The following METTL15 variants were observed in gnomAD, a reference collection of about 807,000 sequenced individuals.
METTL15 encodes the protein 12S rRNA N(4)-cytidine methyltransferase METTL15.
A neutral mutation model predicts 38.3 loss-of-function variants in METTL15; 34 were observed. The observed-to-expected ratio is 0.89, with a 90% CI of 0.68 to 1.18. METTL15 has a LOEUF of 1.18. Ranked by LOEUF, METTL15 falls within the 50% of genes most tolerant of loss-of-function variation. The probability of loss-of-function intolerance (pLI) is 0.00; values close to 1 mark genes in which losing one functional copy is unlikely to be tolerated. For synonymous variants in METTL15, 162 were observed against 170.9 expected (o/e 0.95, Z 0.41); for missense variants, 438 against 498.4 (o/e 0.88, Z 1.15).
In METTL15 at chr11:28,372,129, A is replaced by G. The variant is rs148952371; in HGVS notation, c.*358+10093A>G. Among the ~76,000 whole-genome samples the G allele has an allele frequency of 6.4e-4, 98 of 152,154 alleles. 1 individual carries two copies. Among genetic ancestry groups the G allele is most frequent in the African/African-American group, 2.2e-3 (93 of 41,554 alleles). ...GTACAATGTTAGTTGTGAATTGGCC[A>G]TATATGGCCTTTATTATTTTGAGGT... On this transcript the variant is annotated intron_variant and NMD_transcript_variant, in intron 5 of 7. Coordinates refer to the METTL15 transcript ENST00000532947.
chr11:28,380,988 G>T (rs573407555), intron 5 of METTL15, among the ~76,000 whole-genome samples: 1 of 151,894 alleles, frequency 6.6e-6, no homozygotes, highest in African/African-American at 2.4e-5. Context: ...TGTCCCTTTT[G>T]TCTTTGATCT....
chr11:28,477,874 T>C (rs1318925786), intron 6 of METTL15, among the ~76,000 whole-genome samples: 2 of 152,194 alleles, frequency 1.3e-5, no homozygotes, highest in East Asian at 3.9e-4. Flanking sequence ...TTTTTGAGCA[T>C]TAAGCTCAAG....
intron 6 of METTL15, among the ~76,000 whole-genome samples, chr11:28,301,028 T>C (rs1856895127): frequency 6.6e-6 from 1 of 152,140 alleles, no homozygotes; most frequent in Non-Finnish European, 1.5e-5. Flanking sequence ...TCCATAAATA[T>C]AATACAGGCG....
intron 3 of METTL15, among the ~76,000 whole-genome samples, chr11:28,210,077 T>C (rs531043891): frequency 9.0e-4 from 137 of 152,106 alleles, no homozygotes; most frequent in East Asian, 6.8e-3. Context: ...TACACACATA[T>C]GTTTCTTATG....
intron 6 of METTL15, among the ~76,000 whole-genome samples, chr11:28,497,299 G>A (rs1851542963): frequency 6.6e-6 from 1 of 152,200 alleles, no homozygotes; most frequent in Admixed American, 6.5e-5. Context: ...TAATGACGTG[G>A]TGCCACAACA....
chr11:28,438,210 A>G (rs1291742619), intron 6 of METTL15, among the ~76,000 whole-genome samples: 1 of 152,208 alleles, frequency 6.6e-6, no homozygotes, highest in African/African-American at 2.4e-5. Flanking sequence ...TTCTTGCTCA[A>G]AGACCTTTTC....
At chr11:28,155,493 CTG>C (rs1850232340) in intron 3 of METTL15, among the ~76,000 whole-genome samples, 1 of 152,178 alleles carries the variant, frequency 6.6e-6, no homozygotes, top group Non-Finnish European at 1.5e-5. Context: ...TTAGAATTCA[CTG>C]TCTTTTCCTT....
intron 6 of METTL15, among the ~76,000 whole-genome samples, chr11:28,482,093 A>G (rs1198340575): frequency 6.6e-6 from 1 of 152,154 alleles, no homozygotes; most frequent in Non-Finnish European, 1.5e-5. Flanking sequence ...GCTTTCAAGA[A>G]TGGGTAATCA....
intron 4 of METTL15, among the ~76,000 whole-genome samples, chr11:28,223,948 A>G (rs747677392): frequency 7.2e-5 from 11 of 152,096 alleles, no homozygotes; most frequent in Non-Finnish European, 4.4e-5. Context: ...AATACATACT[A>G]TGTATACTAA....
Position 28,113,366 on chromosome 11 carries a change from A to G in METTL15, c.32A>G (p.Tyr11Cys), listed in dbSNP as rs750297355. MLRYPYFCRM[Y>C]KECLSCWLES... The stretch of plus-strand genomic sequence containing the variant: ...CGGTATCCATATTTTTGTAGAATGT[A>G]TAAAGAATGCCTTTCATGTTGGTTG... Residue 11 changes from tyrosine to cysteine, a missense_variant, in exon 3 of 7, where the codon TAT becomes TGT. Coordinates refer to ENST00000407364, the MANE Select transcript of METTL15 (RefSeq NM_001113528.2). 56 of 1,589,916 alleles carry G rather than the reference A, an allele frequency of 3.5e-5. No homozygotes were observed. The African/African-American group carries it at 6.3e-4, about 18-fold the overall frequency.
rs1309727022 is a variant in METTL15 at position 28,186,558 on chromosome 11, A to T, written c.271-24504A>T. Among the ~76,000 whole-genome samples, 3 of 151,206 alleles carry T rather than the reference A, an allele frequency of 2.0e-5. No individual in the cohort carries two copies. In the Admixed American group the frequency reaches 2.0e-4, roughly 10 times the overall value. ...AAGCTTACTTGACTTAATTATAGAT[A>T]ACTATAAATGCCTAGTTTTTCATCA... On this transcript the variant is annotated intron_variant, in intron 3 of 6. Coordinates refer to ENST00000407364, the MANE Select transcript of METTL15 (RefSeq NM_001113528.2).
chr11:28,521,256 ATTGTGTC>A (rs1426113441), intron 6 of METTL15, among the ~76,000 whole-genome samples: 1 of 152,106 alleles, frequency 6.6e-6, no homozygotes, highest in Non-Finnish European at 1.5e-5. Context: ...ACTGGGTTTT[ATTGTGTC>A]TTGGACATGT....
At chr11:28,212,708 T>G (rs1361670354) in intron 4 of METTL15, among the ~76,000 whole-genome samples, 10 of 152,216 alleles carry the variant, frequency 6.6e-5, no homozygotes, top group Admixed American at 6.5e-4. Context: ...GAAAAAAGTT[T>G]TGTACATGTC....
chr11:28,199,359 T>C (rs1042812507), intron 3 of METTL15, among the ~76,000 whole-genome samples: 5 of 152,150 alleles, frequency 3.3e-5, no homozygotes, highest in African/African-American at 1.2e-4. Flanking sequence ...TTGTAGATTC[T>C]CTTCAAAATC....
intron 6 of METTL15, among the ~76,000 whole-genome samples, chr11:28,460,231 T>A (rs1260078202): frequency 6.6e-6 from 1 of 152,146 alleles, no homozygotes; most frequent in Non-Finnish European, 1.5e-5. Flanking sequence ...CAATCCTTTA[T>A]AAATTGGCAC....
At chr11:28,378,910 G>T (rs117491456) in intron 5 of METTL15, among the ~76,000 whole-genome samples, 1 of 151,714 alleles carries the variant, frequency 6.6e-6, no homozygotes, top group Non-Finnish European at 1.5e-5. Flanking sequence ...CTAGTTATTC[G>T]TTTGGTGAGG....
At chr11:28,293,135 C>T (rs962747294) in intron 5 of METTL15, among the ~76,000 whole-genome samples, 1 of 152,172 alleles carries the variant, frequency 6.6e-6, no homozygotes, top group Non-Finnish European at 1.5e-5. Context: ...TTACCCATGC[C>T]TATGTCCTGA....
At chr11:28,128,960 TGACTC>T (rs1852621883) in intron 3 of METTL15, among the ~76,000 whole-genome samples, 2 of 152,226 alleles carry the variant, frequency 1.3e-5, no homozygotes, top group Non-Finnish European at 2.9e-5. Context: ...TTTATTCTAA[TGACTC>T]AGACTGGGGG....
chr11:28,287,436 G>T (rs906447456), intron 4 of METTL15: 2 of 420,998 alleles, frequency 4.8e-6, no homozygotes, highest in Non-Finnish European at 9.4e-6. Context: ...TGCCTGTGAG[G>T]TTCACAACAA....
Sources: allele counts gnomAD v4.1 joint callset (sites outside exome capture counted in the v4.1 genomes callset), GRCh38; gene constraint gnomAD v4.1.1; transcripts MANE v1.5; gene names NCBI Gene and HGNC (gene_info 2026-07-23, HGNC 2026-07-21).